The following ADGRA1 variants were observed in gnomAD, a reference collection of about 807,000 sequenced individuals.
The protein encoded by ADGRA1 is adhesion G protein-coupled receptor A1, also known as G-protein coupled receptor 123.
ADGRA1 carries 12 observed loss-of-function variants against 21.3 expected under a neutral mutation model. The observed-to-expected ratio is 0.56, with a 90% CI of 0.36 to 0.91. The LOEUF (loss-of-function observed/expected upper bound fraction) is 0.91, where lower values mean the gene tolerates loss of function less well. Ranked by LOEUF, ADGRA1 falls within the 40% of genes least tolerant of loss-of-function variation. The pLI, the probability that ADGRA1 is intolerant of heterozygous loss-of-function variation, is 0.01. For synonymous variants in ADGRA1, 385 were observed against 368.8 expected (o/e 1.04, Z -0.50); for missense variants, 790 against 805.6 (o/e 0.98, Z 0.23).
chr10:133,118,367 C>T (rs1238603573), intron 5 of ADGRA1, among the ~76,000 whole-genome samples: 1 of 152,126 alleles, frequency 6.6e-6, no homozygotes, highest in Admixed American at 6.5e-5. Flanking sequence ...CTGTATTAGT[C>T]CATTTTCACA....
intron 2 of ADGRA1, among the ~76,000 whole-genome samples, chr10:133,091,402 G>A (rs1219387637): frequency 6.6e-6 from 1 of 152,058 alleles, no homozygotes; most frequent in East Asian, 1.9e-4. Context: ...GGTGTGGTGT[G>A]AAGATGTCGT....
intron 5 of ADGRA1, among the ~76,000 whole-genome samples, chr10:133,126,716 G>C (rs1852381564): frequency 6.6e-6 from 1 of 152,242 alleles, no homozygotes; most frequent in African/African-American, 2.4e-5. Flanking sequence ...GCCCCTCCAA[G>C]GCGGGGTTCC....
In ADGRA1 at chr10:133,129,835, G is replaced by A. The variant is rs1307004481; in HGVS notation, c.*324G>A. ...TCTGTCCTGTGGTCTCCAGTCCTGG[G>A]GCACCCTAGAGGCAGAGCAGGGGAT... On this transcript the variant is annotated 3_prime_UTR_variant, in exon 7 of 7. Transcript: ENST00000392607. The A allele has an allele frequency of 6.5e-6, 2 of 309,370 alleles. No homozygotes were observed. Among genetic ancestry groups the A allele is most frequent in the Non-Finnish European group, 1.2e-5 (2 of 162,868 alleles). The allele number at this position is 309,370 out of a possible 1,614,324, so 19.2% of individuals were successfully genotyped here. A position where few individuals can be genotyped will look rare whatever the true frequency, so the allele number is the denominator to read the frequency against.
At position 133,129,037 on chromosome 10, in the gene ADGRA1, G is replaced by A; in HGVS notation, c.1209G>A (p.Glu403=). The A allele has an allele frequency of 6.4e-7, 1 of 1,561,114 alleles. No homozygotes were observed. Among genetic ancestry groups the A allele is most frequent in the Non-Finnish European group, 8.7e-7 (1 of 1,151,792 alleles). ...ACGAGGCGCACGTGCACCTGCAGGA[G>A]GAGGGCGCCTTCGGGCACGACCCCC... ...TADEAHVHLQ[E]EGAFGHDPHL... Residue 403 remains glutamate (E), a synonymous_variant, in exon 7 of 7, where the codon GAG becomes GAA. Transcript: ENST00000392607.
chr10:133,090,274 T>C (rs1591163749), intron 2 of ADGRA1, among the ~76,000 whole-genome samples: 1 of 152,274 alleles, frequency 6.6e-6, no homozygotes, highest in African/African-American at 2.4e-5. Flanking sequence ...TGCACTCTCC[T>C]CTCAGCTCCT....
At chr10:133,114,563 G>A (rs1336468034) in intron 5 of ADGRA1, among the ~76,000 whole-genome samples, 1 of 152,104 alleles carries the variant, frequency 6.6e-6, no homozygotes, top group East Asian at 1.9e-4. Context: ...GCGTCCTCCT[G>A]CATCCACCCT....
intron 5 of ADGRA1, among the ~76,000 whole-genome samples, chr10:133,105,131 C>A (rs1851869394): frequency 6.6e-6 from 1 of 152,232 alleles, no homozygotes; most frequent in Non-Finnish European, 1.5e-5. Flanking sequence ...TTCCTGAGTT[C>A]CAAGAATCTT....
chr10:133,114,368 G>A (rs1416781471), intron 5 of ADGRA1, among the ~76,000 whole-genome samples: 6 of 152,202 alleles, frequency 3.9e-5, no homozygotes, highest in Non-Finnish European at 8.8e-5. Context: ...CCCACTGCAA[G>A]CGGACCAGAG....
chr10:133,126,841 G>A (rs1206672007), intron 5 of ADGRA1, among the ~76,000 whole-genome samples: 3 of 152,220 alleles, frequency 2.0e-5, no homozygotes, highest in Non-Finnish European at 4.4e-5. Flanking sequence ...CGCACTACCC[G>A]CGGGGAGGGG....
chr10:133,089,659 C>T (rs750755791), intron 2 of ADGRA1, among the ~76,000 whole-genome samples: 27 of 152,348 alleles, frequency 1.8e-4, no homozygotes, highest in Non-Finnish European at 3.7e-4. Flanking sequence ...AATGTGCGGC[C>T]GCCACAGACG....
At position 133,127,290 on chromosome 10, in the gene ADGRA1, G is replaced by T; in HGVS notation, c.459G>T (p.Thr153=). 6.3e-7 allele frequency: 1 copy of T among 1,599,690 alleles called. No homozygotes were observed. Among genetic ancestry groups the T allele is most frequent in the Non-Finnish European group, 8.5e-7 (1 of 1,174,364 alleles). The change falls in exon 6 of 7, where the codon ACG becomes ACT. Residue 153 remains threonine (T), a synonymous_variant. Transcript: ENST00000392607. Reference sequence around the variant, plus strand: ...TCATCTGTGGGGTCACGGCTGCCACGAACATCAGGAATTACGGGACAGAGG... The same window carrying T: ...TCATCTGTGGGGTCACGGCTGCCACTAACATCAGGAATTACGGGACAGAGG... ...PFIICGVTAA[T]NIRNYGTEDE...
chr10:133,102,618 T>C (rs2135877652), intron 4 of ADGRA1, 79 bp from the exon 5 acceptor site: 7 of 1,497,386 alleles, frequency 4.7e-6, no homozygotes, highest in Non-Finnish European at 6.3e-6. Context: ...TTCTTGAAGT[T>C]GCAAGCCCGG....
intron 2 of ADGRA1, among the ~76,000 whole-genome samples, chr10:133,096,036 T>C (rs1851682873): frequency 6.6e-6 from 1 of 152,184 alleles, no homozygotes; most frequent in African/African-American, 2.4e-5. Flanking sequence ...TACCGGAACA[T>C]GGCACCCACC....
intron 4 of ADGRA1, among the ~76,000 whole-genome samples, chr10:133,100,105 G>A (rs571118708): frequency 5.9e-5 from 9 of 152,360 alleles, no homozygotes; most frequent in African/African-American, 9.6e-5. Flanking sequence ...CGTCCGGCAC[G>A]CAGAGGAGAC....
At chr10:133,124,062 G>C (rs934379577) in intron 5 of ADGRA1, among the ~76,000 whole-genome samples, 1 of 152,188 alleles carries the variant, frequency 6.6e-6, no homozygotes, top group African/African-American at 2.4e-5. Flanking sequence ...CGGCACTGAT[G>C]GCCGCTCCTC....
intron 5 of ADGRA1, among the ~76,000 whole-genome samples, chr10:133,121,014 G>A (rs923153978): frequency 6.6e-6 from 1 of 152,172 alleles, no homozygotes; most frequent in Non-Finnish European, 1.5e-5. Context: ...CGGGGAATAG[G>A]AGGGAGATGG....
In ADGRA1 at chr10:133,088,907, C is replaced by A; in HGVS notation, c.-3C>A. The A allele has an allele frequency of 8.0e-7, 1 of 1,242,276 alleles. No homozygotes were observed. The highest frequency in any genetic ancestry group is 1.0e-6 in the Non-Finnish European group (1 of 990,514). The allele number at this position is 1,242,276 out of a possible 1,614,324, so 77.0% of individuals were successfully genotyped here. ...CTCACGCTTCCGCAACTTTGCAGCGCTCATGGTGAGTACGGGGGTCCCGGG... is the reference window on the plus strand; with the variant it reads ...CTCACGCTTCCGCAACTTTGCAGCGATCATGGTGAGTACGGGGGTCCCGGG... On this transcript the variant is annotated 5_prime_UTR_variant, in exon 2 of 7. Transcript: ENST00000392607.
rs369060985 is a variant in ADGRA1 at position 133,127,561 on chromosome 10, G to C, written c.500+230G>C. Among the ~76,000 whole-genome samples, 16 of 152,212 alleles carry C rather than the reference G, an allele frequency of 1.1e-4. No homozygotes were observed. The South Asian group carries it at 3.3e-3, about 32-fold the overall frequency. On this transcript the variant is annotated intron_variant, in intron 6 of 6. Coordinates refer to ENST00000392607, the MANE Select transcript of ADGRA1 (RefSeq NM_001083909.3). ...TAATCTTTGCCTTTGGACAAGGCAG[G>C]CCTGGTTTGCCTTCTATGGGAGGGG...
At chr10:133,096,909 G>A in intron 2 of ADGRA1, 65 bp from the exon 3 acceptor site, 3 of 1,560,160 alleles carry the variant, frequency 1.9e-6, no homozygotes, top group Non-Finnish European at 2.6e-6. Flanking sequence ...GGTAGGCTCA[G>A]GCGACGGCGC....
Sources: gnomAD v4.1 joint callset for allele counts (sites outside exome capture counted in the v4.1 genomes callset) on GRCh38, gnomAD v4.1.1 for gene constraint, MANE v1.5 for transcripts, NCBI Gene and HGNC (gene_info 2026-07-23, HGNC 2026-07-21) for gene names.